The following PMFBP1 variants were observed in gnomAD, a reference collection of about 807,000 sequenced individuals.
The protein encoded by PMFBP1 is polyamine-modulated factor 1-binding protein 1.
A neutral mutation model predicts 137.8 loss-of-function variants in PMFBP1; 131 were observed. The observed-to-expected ratio is 0.95, with a 90% CI of 0.82 to 1.10. PMFBP1 has a LOEUF of 1.10. Ranked by LOEUF, PMFBP1 falls within the 50% of genes least tolerant of loss-of-function variation. The pLI, the probability that PMFBP1 is intolerant of heterozygous loss-of-function variation, is 0.00. For synonymous variants in PMFBP1, 490 were observed against 450.4 expected (o/e 1.09, Z -1.11); for missense variants, 1,199 against 1,175.4 (o/e 1.02, Z -0.29).
At chr16:72,141,306 C>G (rs2042718962) in intron 5 of PMFBP1, among the ~76,000 whole-genome samples, 3 of 152,122 alleles carry the variant, frequency 2.0e-5, no homozygotes, top group African/African-American at 7.2e-5. Flanking sequence ...AGATAGTTTT[C>G]ATATTGTTAC....
At chr16:72,185,247 C>T in the PMFBP1 span, among the ~76,000 whole-genome samples, 1 of 152,074 alleles carries the variant, frequency 6.6e-6, no homozygotes, top group Non-Finnish European at 1.5e-5. Context: ...TGGTTTTGAA[C>T]TCCTGACTTC....
At chr16:72,150,227 C>G (rs2042881107) in intron 5 of PMFBP1, among the ~76,000 whole-genome samples, 3 of 152,052 alleles carry the variant, frequency 2.0e-5, no homozygotes, top group South Asian at 4.2e-4. Context: ...TTAGGGAGAG[C>G]TGTTGGTATT....
At chr16:72,182,089 T>C in the PMFBP1 span, among the ~76,000 whole-genome samples, 4 of 152,208 alleles carry the variant, frequency 2.6e-5, no homozygotes, top group African/African-American at 9.6e-5. Flanking sequence ...ACAAGCTTGG[T>C]TTAGAAGCTT....
chr16:72,238,477 C>T, the PMFBP1 span, among the ~76,000 whole-genome samples: 3 of 152,134 alleles, frequency 2.0e-5, no homozygotes, highest in African/African-American at 7.2e-5. Context: ...TGCCTGTTCA[C>T]GTCCTTTGCC....
At chr16:72,128,402 G>T (rs1052294380) in intron 14 of PMFBP1, 13 of 1,428,836 alleles carry the variant, frequency 9.1e-6, no homozygotes, top group Non-Finnish European at 1.2e-5. Context: ...AACATTGGAA[G>T]ACTTGATGCC....
At chr16:72,226,796 CACA>C in the PMFBP1 span, among the ~76,000 whole-genome samples, 1 of 152,102 alleles carries the variant, frequency 6.6e-6, no homozygotes, top group African/African-American at 2.4e-5. Flanking sequence ...TCAGTCTCGC[CACA>C]ACATGTCAAG....
chr16:72,164,444 C>T (rs748993848), intron 3 of PMFBP1: 36 of 1,355,676 alleles, frequency 2.7e-5, no homozygotes, highest in Non-Finnish European at 2.8e-5. Flanking sequence ...GCAGACGCTG[C>T]TCCCCTTGTA....
At chr16:72,249,286 T>C in the PMFBP1 span, among the ~76,000 whole-genome samples, 4 of 151,564 alleles carry the variant, frequency 2.6e-5, no homozygotes, top group South Asian at 8.3e-4. Flanking sequence ...GGACTTTTGA[T>C]AATATATTAA....
At chr16:72,196,377 CT>C in the PMFBP1 span, among the ~76,000 whole-genome samples, 1 of 152,178 alleles carries the variant, frequency 6.6e-6, no homozygotes, top group Non-Finnish European at 1.5e-5. Context: ...AGAACTGGCA[CT>C]TCTCTGGCCA....
At chr16:72,169,179 G>C (rs982957538) in intron 2 of PMFBP1, among the ~76,000 whole-genome samples, 2 of 152,128 alleles carry the variant, frequency 1.3e-5, no homozygotes, top group African/African-American at 4.8e-5. Flanking sequence ...GTCTGAGGAT[G>C]AGGACAAATC....
chr16:72,151,196 T>C (rs962625625), intron 4 of PMFBP1, among the ~76,000 whole-genome samples: 3 of 152,248 alleles, frequency 2.0e-5, no homozygotes, highest in African/African-American at 7.2e-5. Context: ...AGGCATTCTC[T>C]AGAGGTTGAA....
At chr16:72,193,042 T>C in the PMFBP1 span, among the ~76,000 whole-genome samples, 2 of 152,092 alleles carry the variant, frequency 1.3e-5, no homozygotes, top group Non-Finnish European at 2.9e-5. Flanking sequence ...AATTATATAA[T>C]AACAACAGTT....
intron 3 of PMFBP1, among the ~76,000 whole-genome samples, chr16:72,155,982 A>C (rs2042974788): frequency 6.6e-6 from 1 of 151,992 alleles, no homozygotes; most frequent in South Asian, 2.1e-4. Context: ...CTTATAAATA[A>C]AAATATATAT....
Position 72,136,792 on chromosome 16 carries a change from C to T in PMFBP1, c.946G>A (p.Asp316Asn), listed in dbSNP as rs768909104. Residue 316 changes from aspartate to asparagine, a missense_variant, in exon 8 of 21, where the codon GAC becomes AAC. Physicochemically the swap from Asp to Asn is conservative, Grantham distance 23. Coordinates refer to ENST00000237353, the MANE Select transcript of PMFBP1 (RefSeq NM_031293.3). The part of the protein sequence containing the change: ...KILKHLQEQK[D>N]SQCLHVEEYQ... ...TCCTCCACATGCAGGCACTGGCTGT[C>T]TTTCTGCTCCTGCAAGTGCTTCAGT... The T allele has an allele frequency of 4.3e-6, 7 of 1,614,172 alleles. No individual in the cohort carries two copies. The highest frequency in any genetic ancestry group is 2.2e-5 in the East Asian group (1 of 44,890).
the PMFBP1 span, among the ~76,000 whole-genome samples, chr16:72,211,386 C>A: frequency 6.6e-6 from 1 of 152,152 alleles, no homozygotes; most frequent in Non-Finnish European, 1.5e-5. Flanking sequence ...GACTAAACTT[C>A]CCCATACAAA....
chr16:72,118,257 C>G (rs2042327839), downstream of PMFBP1, among the ~76,000 whole-genome samples: 1 of 152,180 alleles, frequency 6.6e-6, no homozygotes, highest in Non-Finnish European at 1.5e-5. Flanking sequence ...AACCCATATT[C>G]TAAACCACAT....
At chr16:72,135,258 C>A (rs1453408696) in intron 9 of PMFBP1, among the ~76,000 whole-genome samples, 2 of 152,024 alleles carry the variant, frequency 1.3e-5, no homozygotes, top group Non-Finnish European at 2.9e-5. Flanking sequence ...CTCATTGCAA[C>A]CTCCCCTCCC....
chr16:72,128,931 G>C, intron 13 of PMFBP1, 135 bp downstream of exon 13: 3 of 1,501,920 alleles, frequency 2.0e-6, no homozygotes, highest in South Asian at 2.6e-5. Flanking sequence ...TCCCCTCCTC[G>C]CTGGCCTTTC....
At chr16:72,122,816 G>T in intron 19 of PMFBP1, 98 bp downstream of exon 19, 2 of 1,143,022 alleles carry the variant, frequency 1.7e-6, no homozygotes, top group Non-Finnish European at 2.5e-6. Context: ...CCTTTCCTGG[G>T]CTGATCCCCC....
Sources: gnomAD v4.1 joint callset for allele counts (sites outside exome capture counted in the v4.1 genomes callset) on GRCh38, gnomAD v4.1.1 for gene constraint, MANE v1.5 for transcripts, NCBI Gene and HGNC (gene_info 2026-07-23, HGNC 2026-07-21) for gene names.